Variants in TMEM132B observed in about 807,000 individuals in gnomAD.
TMEM132B encodes the protein transmembrane protein 132B.
Under a neutral mutation model 90.8 loss-of-function variants are expected in TMEM132B, and 18 were observed. That is an observed-to-expected ratio of 0.20 (90% CI 0.14 to 0.29). TMEM132B has a LOEUF of 0.29. TMEM132B is among the 10% of genes least tolerant of loss of function. TMEM132B has a pLI of 1.00. For synonymous variants in TMEM132B, 504 were observed against 523.3 expected, an observed-to-expected ratio of 0.96 and a Z score of 0.50; for missense variants, 1,096 against 1,326.8, an observed-to-expected ratio of 0.83 and a Z score of 2.70.
intron 1 of TMEM132B, among the ~76,000 whole-genome samples, chr12:125,311,652 C>T (rs1214006043): frequency 6.6e-6 from 1 of 152,220 alleles, no homozygotes; most frequent in Non-Finnish European, 1.5e-5. Context: ...AGTCTATTCT[C>T]ATCGAGGAGC....
chr12:125,332,582 G>GC (rs1876812961), intron 1 of TMEM132B, among the ~76,000 whole-genome samples: 2 of 93,164 alleles, frequency 2.1e-5, no homozygotes, highest in African/African-American at 7.7e-5. Flanking sequence ...CAGAGAGTTG[G>GC]CTTTTTTTTT....
At chr12:125,402,047 C>A (rs538543852) in intron 2 of TMEM132B, among the ~76,000 whole-genome samples, 1 of 152,130 alleles carries the variant, frequency 6.6e-6, no homozygotes, top group Non-Finnish European at 1.5e-5. Flanking sequence ...AAAAAGGATC[C>A]GTTTAGCGGA....
At chr12:125,241,026 A>G (rs1874053009) in intron 1 of TMEM132B, among the ~76,000 whole-genome samples, 1 of 152,238 alleles carries the variant, frequency 6.6e-6, no homozygotes, top group African/African-American at 2.4e-5. Flanking sequence ...CCTTTAAAAC[A>G]ACGATTCTTA....
chr12:125,197,889 A>G (rs1040645124), intron 1 of TMEM132B, among the ~76,000 whole-genome samples: 2 of 152,248 alleles, frequency 1.3e-5, no homozygotes, highest in African/African-American at 2.4e-5. Flanking sequence ...CTTTTGAATG[A>G]GTAGGTTTTG....
intron 3 of TMEM132B, among the ~76,000 whole-genome samples, chr12:125,469,186 A>G (rs1387596260): frequency 6.6e-6 from 1 of 152,190 alleles, no homozygotes; most frequent in African/African-American, 2.4e-5. Flanking sequence ...TTAGTTTTTC[A>G]CCATTGAGTA....
rs748514603 is a variant in TMEM132B at position 125,650,658 on chromosome 12, T to C, written c.1644-25T>C. On this transcript the variant is annotated intron_variant, in intron 6 of 8. Coordinates refer to ENST00000682704, the MANE Select transcript of TMEM132B (RefSeq NM_001366854.1). Reference sequence around the variant, plus strand: ...AACTTCTTAACAATGAAGACTTTGTTCTGTTTCGATTCCTTGTGCTCCAGG... The same window carrying C: ...AACTTCTTAACAATGAAGACTTTGTCCTGTTTCGATTCCTTGTGCTCCAGG... 15 of 1,599,428 alleles carry C rather than the reference T, an allele frequency of 9.4e-6. No homozygotes were observed. In the African/African-American group the frequency reaches 1.7e-4, roughly 19 times the overall value.
At chr12:125,338,155 G>C (rs535995114) in intron 1 of TMEM132B, among the ~76,000 whole-genome samples, 1 of 152,268 alleles carries the variant, frequency 6.6e-6, no homozygotes, top group Non-Finnish European at 1.5e-5. Context: ...CTTTGGGCCA[G>C]GCACTCTGCC....
chr12:125,226,420 A>G (rs1873682994), intron 1 of TMEM132B, among the ~76,000 whole-genome samples: 1 of 152,212 alleles, frequency 6.6e-6, no homozygotes, highest in African/African-American at 2.4e-5. Context: ...CTCTATATAC[A>G]CATTCCCACA....
Position 125,654,064 on chromosome 12 carries a change from G to C in TMEM132B, c.2606G>C (p.Gly869Ala). 6.2e-7 allele frequency: 1 copy of C among 1,614,130 alleles called. No individual in the cohort carries two copies. The highest frequency in any genetic ancestry group is 8.5e-7 in the Non-Finnish European group (1 of 1,180,032). Reference sequence around the variant, plus strand: ...GGGAAGAATAAGTTACTCAAAAGTGGTGGTCCAGATGCCTTTACAAGCTTC... The same window carrying C: ...GGGAAGAATAAGTTACTCAAAAGTGCTGGTCCAGATGCCTTTACAAGCTTC... ...MEGKNKLLKS[G>A]GPDAFTSFPT... is the part of the protein sequence containing the mutation. Residue 869 changes from glycine (G) to alanine (A), a missense_variant, in exon 9 of 9, where the codon GGT (glycine) becomes GCT (alanine). Coordinates refer to ENST00000682704, the MANE Select transcript of TMEM132B (RefSeq NM_001366854.1). This position sits in a 1 kb window ranked among gnomAD's most constrained non-coding sequence, Gnocchi z 5.8.
At chr12:125,553,308 G>A (rs546918683) in intron 4 of TMEM132B, among the ~76,000 whole-genome samples, 118 of 152,332 alleles carry the variant, frequency 7.7e-4, no homozygotes, top group African/African-American at 2.7e-3. Flanking sequence ...CAGTCCCAGG[G>A]CTGGGCTGCA....
At chr12:125,455,589 TC>T (rs2136459266) in intron 3 of TMEM132B, among the ~76,000 whole-genome samples, 1 of 152,302 alleles carries the variant, frequency 6.6e-6, no homozygotes, top group East Asian at 1.9e-4. Flanking sequence ...TTTACTATTT[TC>T]TGAGTTCCCT....
intron 5 of TMEM132B, among the ~76,000 whole-genome samples, chr12:125,613,750 G>A (rs1011398203): frequency 6.6e-6 from 1 of 151,948 alleles, no homozygotes; most frequent in Non-Finnish European, 1.5e-5. Flanking sequence ...AGACAATAAT[G>A]CATTATTATA....
At chr12:125,541,081 C>T (rs1883942255) in intron 4 of TMEM132B, among the ~76,000 whole-genome samples, 1 of 152,240 alleles carries the variant, frequency 6.6e-6, no homozygotes, top group Non-Finnish European at 1.5e-5. Flanking sequence ...AATCTGGTTT[C>T]TGCTCAAATA....
intron 8 of TMEM132B, 30 bp downstream of exon 8, chr12:125,652,662 G>C (rs760609476): frequency 1.3e-6 from 2 of 1,588,210 alleles, no homozygotes; most frequent in South Asian, 2.3e-5. Flanking sequence ...TGCGTCCTTG[G>C]TCAGTGGGGA....
intron 1 of TMEM132B, among the ~76,000 whole-genome samples, chr12:125,323,548 C>A (rs933114554): frequency 6.6e-6 from 1 of 152,136 alleles, no homozygotes; most frequent in Non-Finnish European, 1.5e-5. Flanking sequence ...GACAGGGTCT[C>A]TCTTGGTCAC....
At chr12:125,409,608 TG>T (rs1879637854) in intron 2 of TMEM132B, among the ~76,000 whole-genome samples, 1 of 64,570 alleles carries the variant, frequency 1.5e-5, no homozygotes, top group Admixed American at 1.6e-4. Flanking sequence ...AGGAGTGGAG[TG>T]GAGTGGAGTG....
intron 1 of TMEM132B, among the ~76,000 whole-genome samples, chr12:125,289,095 C>T (rs911632517): frequency 3.3e-5 from 5 of 152,166 alleles, no homozygotes; most frequent in Non-Finnish European, 7.3e-5. Flanking sequence ...CTTTGATGGG[C>T]TTGACCTGGA....
intron 3 of TMEM132B, among the ~76,000 whole-genome samples, chr12:125,476,195 C>A (rs1356443507): frequency 6.6e-6 from 1 of 152,088 alleles, no homozygotes; most frequent in Non-Finnish European, 1.5e-5. Flanking sequence ...ATGAAATTAA[C>A]CATTTTAAAG....
chr12:125,238,383 A>AC (rs1565981378), intron 1 of TMEM132B, among the ~76,000 whole-genome samples: 1 of 146,920 alleles, frequency 6.8e-6, no homozygotes, highest in African/African-American at 2.5e-5. Flanking sequence ...AAAACAAAAA[A>AC]AAACCAAAAA....
Sources: gnomAD v4.1 joint callset for allele counts (sites outside exome capture counted in the v4.1 genomes callset) on GRCh38, gnomAD v4.1.1 for gene constraint, Gnocchi (gnomAD v3.1) non-coding constraint, MANE v1.5 for transcripts, NCBI Gene and HGNC (gene_info 2026-07-23, HGNC 2026-07-21) for gene names.